PEA15: variants seen among roughly 807,000 people sequenced by gnomAD.
PEA15 encodes the protein proliferation and apoptosis adaptor protein 15.
For missense variants in PEA15, 77 were observed against 161.3 expected (o/e 0.48, Z 2.83); for synonymous variants, 60 against 61.8 (o/e 0.97, Z 0.13).
intron 2 of PEA15, among the ~76,000 whole-genome samples, chr1:160,212,141 T>C (rs1462783841): frequency 6.6e-6 from 1 of 152,198 alleles, no homozygotes; most frequent in African/African-American, 2.4e-5. Context: ...CATTTTCTTA[T>C]CCACTTTGAG....
rs1221747721 is a variant in PEA15 at position 160,213,396 on chromosome 1, C to T, written c.329-26C>T. 2 of 1,613,920 alleles carry T rather than the reference C, an allele frequency of 1.2e-6. No homozygotes were observed. Among genetic ancestry groups the T allele is most frequent in the South Asian group, 1.1e-5 (1 of 91,058 alleles). On this transcript the variant is annotated intron_variant, in intron 3 of 3. Transcript: ENST00000360472. This position sits in a 1 kb window ranked among gnomAD's most constrained non-coding sequence, Gnocchi z 5.3. ...CCTGGCATCTCCCACACTGCTGTCC[C>T]TGGACACATACCTTTTTGCCCCCAG...
chr1:160,206,896 T>C (rs1654618870), intron 1 of PEA15, among the ~76,000 whole-genome samples: 2 of 152,156 alleles, frequency 1.3e-5, no homozygotes, highest in African/African-American at 2.4e-5. Flanking sequence ...ATTGGGGAAA[T>C]TGCCAGTGAT....
chr1:160,210,979 C>T lies in PEA15; in HGVS notation c.-2-564C>T, dbSNP rs553952226. On this transcript the variant is annotated intron_variant, in intron 1 of 3. Coordinates refer to ENST00000360472, the MANE Select transcript of PEA15 (RefSeq NM_003768.5). The stretch of plus-strand genomic sequence containing the variant: ...AACTAGGCATCTATCCAAAATGAGT[C>T]ATTAGTGGGGTGGTGGGGAGTTGAA... Among the ~76,000 whole-genome samples the T allele has an allele frequency of 3.3e-5, 5 of 152,282 alleles. No individual in the cohort carries two copies. In the East Asian group the frequency reaches 9.7e-4, roughly 29 times the overall value.
intron 1 of PEA15, among the ~76,000 whole-genome samples, chr1:160,209,076 G>T (rs1350697049): frequency 6.6e-6 from 1 of 152,024 alleles, no homozygotes; most frequent in Non-Finnish European, 1.5e-5. Flanking sequence ...CACCCCTCTG[G>T]ATGTGAGCCT....
At chr1:160,209,301 C>T (rs923225036) in intron 1 of PEA15, among the ~76,000 whole-genome samples, 5 of 152,122 alleles carry the variant, frequency 3.3e-5, no homozygotes, top group Admixed American at 2.0e-4. Flanking sequence ...CCATAAGATC[C>T]GAGCACACAC....
Position 160,208,865 on chromosome 1 carries a change from C to A in PEA15, c.-2-2678C>A. On this transcript the variant is annotated intron_variant, in intron 1 of 3. Transcript: ENST00000360472. The surrounding 1 kb of genome is among the most constrained non-coding windows in gnomAD (Gnocchi z 4.1). Reference sequence around the variant, plus strand: ...TCACCATTCCCTACACTCCTCCCATCTAGTGGTGTCATCCTAACGACTGGG... The same window carrying A: ...TCACCATTCCCTACACTCCTCCCATATAGTGGTGTCATCCTAACGACTGGG... The A allele has an allele frequency of 1.8e-6, 1 of 570,852 alleles. No individual in the cohort carries two copies. The highest frequency in any genetic ancestry group is 3.0e-5 in the Admixed American group (1 of 33,420). 35.4% of individuals were successfully genotyped at this position (570,852 alleles called of 1,614,324 possible). A position where few individuals can be genotyped will look rare whatever the true frequency, so the allele number is the denominator to read the frequency against.
rs536013496 is a variant in PEA15, at chr1:160,210,287, C to CTG, written c.-2-1255_-2-1254dup. On this transcript the variant is annotated intron_variant, in intron 1 of 3. Transcript: ENST00000360472. ...CTCCGTCAGGGACAAGGTCATCTTGCTGCTTGCCCACCCCTTGGTCTAGTC... is the reference window on the plus strand; with the variant it reads ...CTCCGTCAGGGACAAGGTCATCTTGCTGTGCTTGCCCACCCCTTGGTCTAGTC... Among the ~76,000 whole-genome samples, 622 of 152,378 alleles carry CTG rather than the reference C, an allele frequency of 4.1e-3. 5 individuals carry two copies. Among genetic ancestry groups the CTG allele is most frequent in the Non-Finnish European group, 5.6e-3 (378 of 68,034 alleles).
rs1373239842 is a variant in PEA15, at chr1:160,213,858, T to C, written c.*372T>C. 10 of 249,160 alleles carry C rather than the reference T, an allele frequency of 4.0e-5. No individual in the cohort carries two copies. The highest frequency in any genetic ancestry group is 2.9e-4 in the East Asian group (3 of 10,238). 15.4% of individuals were successfully genotyped at this position (249,160 alleles called of 1,614,324 possible). On this transcript the variant is annotated 3_prime_UTR_variant, in exon 4 of 4. Coordinates refer to ENST00000360472, the MANE Select transcript of PEA15 (RefSeq NM_003768.5). This position sits in a 1 kb window ranked among gnomAD's most constrained non-coding sequence, Gnocchi z 5.3. ...CAGAAAGGACCTGCATTTTCCTACA[T>C]TGAGGAGCTGACATAGGGGTAAGGT...
At chr1:160,209,567 C>T (rs1380420752) in intron 1 of PEA15, among the ~76,000 whole-genome samples, 1 of 152,092 alleles carries the variant, frequency 6.6e-6, no homozygotes, top group African/African-American at 2.4e-5. Flanking sequence ...TTTCCTCCCG[C>T]AGGATCTGTA....
intron 1 of PEA15, chr1:160,206,051 T>A (rs1280929688): frequency 6.6e-6 from 1 of 152,276 alleles, no homozygotes; most frequent in Non-Finnish European, 1.5e-5. Flanking sequence ...CTTATTAATT[T>A]CATATAATCC....
chr1:160,213,544 T>G lies in PEA15; in HGVS notation c.*58T>G. The G allele has an allele frequency of 6.6e-7, 1 of 1,515,202 alleles. No homozygotes were observed. The highest frequency in any genetic ancestry group is 9.2e-7 in the Non-Finnish European group (1 of 1,091,362). 93.9% of individuals were successfully genotyped at this position (1,515,202 alleles called of 1,614,324 possible). A position where few individuals can be genotyped will look rare whatever the true frequency, so the allele number is the denominator to read the frequency against. On this transcript the variant is annotated 3_prime_UTR_variant, in exon 4 of 4. Coordinates refer to ENST00000360472, the MANE Select transcript of PEA15 (RefSeq NM_003768.5). The surrounding 1 kb of genome is among the most constrained non-coding windows in gnomAD (Gnocchi z 5.3). ...TTCATCAGACCACTCCCTTCCCCCA[T>G]CCTCCAGGAGAGGGGGCAAGGGCAA...
rs1356087648 is a variant in PEA15, at chr1:160,214,213, C to G, written c.*727C>G. ...ATGAGGGCAGAGAGAGGGGAGCCCC[C>G]TCTTCCACTCAGTTGTTCCTACTCA... On this transcript the variant is annotated 3_prime_UTR_variant, in exon 4 of 4. Transcript: ENST00000360472. The G allele has an allele frequency of 6.5e-6, 1 of 152,780 alleles. No individual in the cohort carries two copies. The highest frequency in any genetic ancestry group is 1.5e-5 in the Non-Finnish European group (1 of 68,214). 9.5% of individuals were successfully genotyped at this position (152,780 alleles called of 1,614,324 possible). A position where few individuals can be genotyped will look rare whatever the true frequency, so the allele number is the denominator to read the frequency against.
chr1:160,214,610 A>G lies in PEA15; in HGVS notation c.*1124A>G, dbSNP rs546618294. 1.5e-4 allele frequency: 23 copies of G among 152,650 alleles called. No individual in the cohort carries two copies. The highest frequency in any genetic ancestry group is 2.8e-4 in the Non-Finnish European group (19 of 68,024). 9.5% of individuals were successfully genotyped at this position (152,650 alleles called of 1,614,324 possible). ...CTAACTGTGTGTACATATATATTCTACATATATGTATATTAAAACTGCACT... is the reference window on the plus strand; with the variant it reads ...CTAACTGTGTGTACATATATATTCTGCATATATGTATATTAAAACTGCACT... On this transcript the variant is annotated 3_prime_UTR_variant, in exon 4 of 4. Coordinates refer to ENST00000360472, the MANE Select transcript of PEA15 (RefSeq NM_003768.5).
chr1:160,211,275 G>C, intron 1 of PEA15: 1 of 1,135,276 alleles, frequency 8.8e-7, no homozygotes, highest in Non-Finnish European at 1.1e-6. Context: ...GTTACTGTTA[G>C]AGGGGGAAAA....
intron 2 of PEA15, among the ~76,000 whole-genome samples, chr1:160,212,861 C>T (rs1267829689): frequency 6.6e-6 from 1 of 152,124 alleles, no homozygotes; most frequent in African/African-American, 2.4e-5. Context: ...AAGCTAAACC[C>T]CTCATTCTAA....
chr1:160,206,667 G>A (rs981616710), intron 1 of PEA15, among the ~76,000 whole-genome samples: 1 of 152,168 alleles, frequency 6.6e-6, no homozygotes, highest in Non-Finnish European at 1.5e-5. Context: ...CATCTCCAGA[G>A]AGGTCTAGAG....
rs1441433272 is a variant in PEA15 at position 160,208,652 on chromosome 1, C to T, written c.-2-2891C>T. 14 of 1,550,116 alleles carry T rather than the reference C, an allele frequency of 9.0e-6. No individual in the cohort carries two copies. The highest frequency in any genetic ancestry group is 1.2e-5 in the Non-Finnish European group (14 of 1,146,672). On this transcript the variant is annotated intron_variant, in intron 1 of 3. Transcript: ENST00000360472. This position sits in a 1 kb window ranked among gnomAD's most constrained non-coding sequence, Gnocchi z 4.1. The stretch of plus-strand genomic sequence containing the variant: ...TCTGCCAAGCCCCACCATGGCCAGG[C>T]CAGACCAGCCCAGGTACAACTGTTG...
At position 160,208,761 on chromosome 1, in the gene PEA15, T is replaced by G; in HGVS notation, c.-2-2782T>G. 9.1e-7 allele frequency: 1 copy of G among 1,098,012 alleles called. No individual in the cohort carries two copies. Among genetic ancestry groups the G allele is most frequent in the Non-Finnish European group, 1.3e-6 (1 of 742,202 alleles). 68.0% of individuals were successfully genotyped at this position (1,098,012 alleles called of 1,614,324 possible). The stretch of plus-strand genomic sequence containing the variant: ...ACTAAGGCCTAGGCAAATGGATCTC[T>G]CCAAGAAGGGAGGCAACTGGGCTGC... On this transcript the variant is annotated intron_variant, in intron 1 of 3. Coordinates refer to ENST00000360472, the MANE Select transcript of PEA15 (RefSeq NM_003768.5). The surrounding 1 kb of genome is among the most constrained non-coding windows in gnomAD (Gnocchi z 4.1).
At position 160,214,808 on chromosome 1, in the gene PEA15, T is replaced by C. The variant is rs774301959; in HGVS notation, c.*1322T>C. 1 of 152,596 alleles carries C rather than the reference T, an allele frequency of 6.6e-6. No homozygotes were observed. The highest frequency in any genetic ancestry group is 1.5e-5 in the Non-Finnish European group (1 of 68,042). 9.5% of individuals were successfully genotyped at this position (152,596 alleles called of 1,614,324 possible). A position where few individuals can be genotyped will look rare whatever the true frequency, so the allele number is the denominator to read the frequency against. On this transcript the variant is annotated 3_prime_UTR_variant, in exon 4 of 4. Transcript: ENST00000360472. ...TAAATTCACATGCAGTCTCAGAGAC[T>C]ATTTAGACAAAGTTCAAGTTAGGAG... is the stretch of plus-strand genomic sequence containing the variant.
Sources: allele counts gnomAD v4.1 joint callset (sites outside exome capture counted in the v4.1 genomes callset), GRCh38; gene constraint gnomAD v4.1.1; non-coding constraint Gnocchi (gnomAD v3.1); transcripts MANE v1.5; gene names NCBI Gene and HGNC (gene_info 2026-07-23, HGNC 2026-07-21).